ADAMTS8: variants seen among roughly 807,000 people sequenced by gnomAD.
ADAMTS8 encodes the protein ADAM metallopeptidase with thrombospondin type 1 motif 8, also known as A disintegrin and metalloproteinase with thrombospondin motifs 8.
ADAMTS8 carries 50 observed loss-of-function variants against 64.4 expected under a neutral mutation model. The observed-to-expected ratio is 0.78, with a 90% CI of 0.62 to 0.98. The LOEUF (loss-of-function observed/expected upper bound fraction) is 0.98, where lower values mean the gene tolerates loss of function less well. ADAMTS8 is among the 50% of genes least tolerant of loss of function. The pLI, the probability that ADAMTS8 is intolerant of heterozygous loss-of-function variation, is 0.00. For synonymous variants in ADAMTS8, 556 were observed against 533.6 expected, an observed-to-expected ratio of 1.04 and a Z score of -0.58; for missense variants, 1,192 against 1,208.2, an observed-to-expected ratio of 0.99 and a Z score of 0.20.
At chr11:130,425,752 C>G (rs768090904) in intron 1 of ADAMTS8, among the ~76,000 whole-genome samples, 20 of 152,232 alleles carry the variant, frequency 1.3e-4, no homozygotes, top group Admixed American at 3.9e-4. Flanking sequence ...AGGCGCCCAC[C>G]ACCACGCCTG....
At chr11:130,414,382 T>G (rs1861991637) in intron 5 of ADAMTS8, 149 bp downstream of exon 5, 1 of 979,958 alleles carries the variant, frequency 1.0e-6, no homozygotes, top group East Asian at 2.7e-5. Context: ...CCCAAAGTGC[T>G]GGGATTCCAG....
intron 6 of ADAMTS8, among the ~76,000 whole-genome samples, chr11:130,409,896 AG>A (rs1421689541): frequency 6.6e-6 from 1 of 152,268 alleles, no homozygotes; most frequent in Non-Finnish European, 1.5e-5. Flanking sequence ...ACTCTGAGTC[AG>A]TGCAGCTGAG....
At position 130,409,358 on chromosome 11, in the gene ADAMTS8, T is replaced by C. The variant is rs200355860; in HGVS notation, c.1751-418A>G. Among the ~76,000 whole-genome samples the C allele has an allele frequency of 4.6e-5, 7 of 152,252 alleles. No individual in the cohort carries two copies. In the East Asian group the frequency reaches 1.4e-3, roughly 29 times the overall value. The stretch of plus-strand genomic sequence containing the variant: ...GGACATGAATCCAAAGACTCCTAAA[T>C]CTACATGTCTAGCTCTGATCTTGCC... On this transcript the variant is annotated intron_variant, in intron 6 of 8. Coordinates refer to ENST00000257359, the MANE Select transcript of ADAMTS8 (RefSeq NM_007037.6).
chr11:130,408,444 G>A lies in ADAMTS8; in HGVS notation c.2099+20C>T, dbSNP rs1420085040. ...ATGCTCTTCTACCAAGCAAGGTACA[G>A]AACTTCTGGGGAGACTCACTTGGTG... On this transcript the variant is annotated intron_variant, in intron 8 of 8. Coordinates refer to ENST00000257359, the MANE Select transcript of ADAMTS8 (RefSeq NM_007037.6). The A allele has an allele frequency of 1.9e-6, 3 of 1,612,634 alleles. No homozygotes were observed. The African/African-American group carries it at 4.0e-5, about 22-fold the overall frequency.
At position 130,426,555 on chromosome 11, in the gene ADAMTS8, A is replaced by G. The variant is rs768379308; in HGVS notation, c.720+1012T>C. Among the ~76,000 whole-genome samples the G allele has an allele frequency of 1.9e-4, 29 of 152,156 alleles. 1 individual carries two copies. Among genetic ancestry groups the G allele is most frequent in the Non-Finnish European group, 1.5e-5 (1 of 68,016 alleles). On this transcript the variant is annotated intron_variant, in intron 1 of 8. Transcript: ENST00000257359. ...CTGGTTCTGTGCTCCCTAGGGGCAAAGAGCACCCCTCTTCTGGAAGCCTTA... is the reference window on the plus strand; with the variant it reads ...CTGGTTCTGTGCTCCCTAGGGGCAAGGAGCACCCCTCTTCTGGAAGCCTTA...
intron 6 of ADAMTS8, 106 bp from the exon 7 acceptor site, chr11:130,409,046 G>C (rs1861921518): frequency 7.4e-7 from 1 of 1,357,516 alleles, no homozygotes; most frequent in Non-Finnish European, 9.8e-7. Context: ...TTTTGGTTTT[G>C]AACTCAACCC....
chr11:130,417,429 G>A (rs570433159), intron 2 of ADAMTS8, among the ~76,000 whole-genome samples: 100 of 151,732 alleles, frequency 6.6e-4, no homozygotes, highest in South Asian at 3.8e-3. Flanking sequence ...GCTAATTTTT[G>A]TATTTTTAGT....
intron 1 of ADAMTS8, among the ~76,000 whole-genome samples, chr11:130,419,810 G>C (rs1016198104): frequency 6.6e-6 from 1 of 152,102 alleles, no homozygotes; most frequent in Non-Finnish European, 1.5e-5. Flanking sequence ...AGTTCTGAGC[G>C]CTCAAGGTTA....
At position 130,427,728 on chromosome 11, in the gene ADAMTS8, C is replaced by A. The variant is rs1473199674; in HGVS notation, c.559G>T (p.Glu187Ter). ...GCCTCCTCTTCTTGGCTCTCCTCCT[C>A]GCTGTCCTCCTGGTGGTCTCCTCTC... ...QERGDHQEDS[E>*]EESQEEEAEG... The change falls in exon 1 of 9, where the codon GAG becomes TAG. Residue 187 changes from glutamate (E) to a stop codon, truncating the protein, a stop_gained. Transcript: ENST00000257359. LOFTEE classifies it high-confidence loss of function. 1 of 1,595,596 alleles carries A rather than the reference C, an allele frequency of 6.3e-7. No homozygotes were observed. The highest frequency in any genetic ancestry group is 1.7e-5 in the Admixed American group (1 of 58,230).
rs1861996742 is a variant in ADAMTS8, at chr11:130,414,660, AG to A, written c.1436del (p.Thr479MetfsTer164). Reference protein sequence around the residue: ...QDVCAQLWCHTDGAEPLCHTK... With the variant: ...QDVCAQLWCHXDGAEPLCHTK... ...TGTGGCACAGGGGCTCAGCCCCATCAGTGTGGCACCAAAGCTGGGCGCAGAC... is the reference window on the plus strand; with the variant it reads ...TGTGGCACAGGGGCTCAGCCCCATCATGTGGCACCAAAGCTGGGCGCAGAC... On this transcript the variant is annotated frameshift_variant, in exon 5 of 9. Transcript: ENST00000257359. LOFTEE classifies it high-confidence loss of function. The A allele has an allele frequency of 6.2e-7, 1 of 1,613,648 alleles. No homozygotes were observed. Among genetic ancestry groups the A allele is most frequent in the African/African-American group, 1.3e-5 (1 of 74,926 alleles).
Position 130,416,907 on chromosome 11 carries a change from T to A in ADAMTS8, c.1096+33A>T. 2 of 1,613,788 alleles carry A rather than the reference T, an allele frequency of 1.2e-6. No individual in the cohort carries two copies. The highest frequency in any genetic ancestry group is 1.7e-6 in the Non-Finnish European group (2 of 1,179,806). ...TCTGGAAGAGCAGTTCCCTCCGATGTGGTGAAGTGGGCTTTGGCACAGCAA... is the reference window on the plus strand; with the variant it reads ...TCTGGAAGAGCAGTTCCCTCCGATGAGGTGAAGTGGGCTTTGGCACAGCAA... On this transcript the variant is annotated intron_variant, in intron 3 of 8. Coordinates refer to ENST00000257359, the MANE Select transcript of ADAMTS8 (RefSeq NM_007037.6). This position sits in a 1 kb window ranked among gnomAD's most constrained non-coding sequence, Gnocchi z 4.8.
chr11:130,419,032 C>T (rs536488620), intron 2 of ADAMTS8, 21 bp downstream of exon 2: 31 of 1,613,602 alleles, frequency 1.9e-5, no homozygotes, highest in Non-Finnish European at 2.1e-5. Flanking sequence ...CTCCCCAGGG[C>T]TTCCGGAGCC....
rs145764969 is a variant in ADAMTS8, at chr11:130,411,238, C to A, written c.1750+179G>T. ...CCCTGGGATTGGAACCTTGCAGAGC[C>A]CATTTAGGTGGAGATCACAGGCAAA... On this transcript the variant is annotated intron_variant, in intron 6 of 8. Coordinates refer to ENST00000257359, the MANE Select transcript of ADAMTS8 (RefSeq NM_007037.6). This position sits in a 1 kb window ranked among gnomAD's most constrained non-coding sequence, Gnocchi z 4.2. Among the ~76,000 whole-genome samples the A allele has an allele frequency of 8.1e-4, 124 of 152,174 alleles. No individual in the cohort carries two copies. The highest frequency in any genetic ancestry group is 2.9e-3 in the African/African-American group (119 of 41,488).
Position 130,427,958 on chromosome 11 carries a change from G to A in ADAMTS8, c.329C>T (p.Pro110Leu), listed in dbSNP as rs1461943662. The A allele has an allele frequency of 6.5e-7, 1 of 1,531,952 alleles. No homozygotes were observed. Among genetic ancestry groups the A allele is most frequent in the Non-Finnish European group, 8.7e-7 (1 of 1,145,654 alleles). The allele number at this position is 1,531,952 out of a possible 1,614,324, so 94.9% of individuals were successfully genotyped here. Reference protein sequence around the residue: ...CFFSGTVNGEPESLAAVSLCR... With the variant: ...CFFSGTVNGELESLAAVSLCR... ...CAGGCTGACCGCCGCCAGCGACTCG[G>A]GCTCCCCATTCACGGTGCCGGAGAA... Residue 110 changes from proline (P) to leucine (L), a missense_variant, in exon 1 of 9, where the codon CCC becomes CTC. Pro to Leu is a moderately conservative substitution (Grantham distance 98, BLOSUM62 -3). Around this residue, in one of 5 missense-constraint regions of ADAMTS8, gnomAD observed 741 missense variants for 710.6 expected, o/e 1.04. Transcript: ENST00000257359.
Position 130,427,899 on chromosome 11 carries a change from C to T in ADAMTS8, c.388G>A (p.Gly130Ser), listed in dbSNP as rs1324473723. 13 of 1,534,108 alleles carry T rather than the reference C, an allele frequency of 8.5e-6. No individual in the cohort carries two copies. The highest frequency in any genetic ancestry group is 1.4e-5 in the African/African-American group (1 of 72,934). Reference sequence around the variant, plus strand: ...TGCGGCTGGATGGTGAACTCCTCGCCGTCCAGCAGGAAGGAGCCGCTCAGC... The same window carrying T: ...TGCGGCTGGATGGTGAACTCCTCGCTGTCCAGCAGGAAGGAGCCGCTCAGC... ...RGLSGSFLLD[G>S]EEFTIQPQGA... Residue 130 changes from glycine to serine, a missense_variant, in exon 1 of 9, where the codon GGC becomes AGC. By Grantham distance (56) the Gly-to-Ser change is moderately conservative. Transcript: ENST00000257359.
Position 130,405,913 on chromosome 11 carries a change from G to A in ADAMTS8, c.2315C>T (p.Thr772Ile). ...CCGGAAGCTCTGCAGGCGCTCCAGG[G>A]TGGCGATGGAGCCGCTGTACTTCAG... ...TILKYSGSIA[T>I]LERLQSFRPL... Residue 772 changes from threonine to isoleucine, a missense_variant, in exon 9 of 9, where the codon ACC (threonine) becomes ATC (isoleucine). Around this residue, in one of 5 missense-constraint regions of ADAMTS8, gnomAD observed 147 missense variants for 154.1 expected, o/e 0.95. Transcript: ENST00000257359. The A allele has an allele frequency of 6.2e-7, 1 of 1,614,088 alleles. No individual in the cohort carries two copies.
chr11:130,405,667 C>G lies in ADAMTS8; in HGVS notation c.2561G>C (p.Arg854Thr). The G allele has an allele frequency of 6.2e-7, 1 of 1,614,092 alleles. No homozygotes were observed. Among genetic ancestry groups the G allele is most frequent in the Non-Finnish European group, 8.5e-7 (1 of 1,179,974 alleles). ...GGGGTCCCTGCACTCTACAGTTCGC[C>G]TCTGCCAGCCGGCCCCGCAGGTGCT... ...CSSTCGAGWQ[R>T]RTVECRDPSG... The change falls in exon 9 of 9, where the codon AGG becomes ACG. Residue 854 changes from arginine (R) to threonine (T), a missense_variant. This residue lies in a region of ADAMTS8 where 147 missense variants were observed against 154.1 expected (regional missense o/e 0.95). Transcript: ENST00000257359.
chr11:130,414,852 G>A lies in ADAMTS8; in HGVS notation c.1265-20C>T, dbSNP rs771001892. 1.3e-6 allele frequency: 2 copies of A among 1,588,548 alleles called. No individual in the cohort carries two copies. Among genetic ancestry groups the A allele is most frequent in the East Asian group, 4.5e-5 (2 of 44,432 alleles). On this transcript the variant is annotated intron_variant, in intron 4 of 8. Coordinates refer to ENST00000257359, the MANE Select transcript of ADAMTS8 (RefSeq NM_007037.6). ...AGTCTCCTGGGAAAAGAGGAAGCAG[G>A]GGTGTAAGAACATGCACAGGGCTGC...
chr11:130,427,451 C>CTT lies in ADAMTS8; in HGVS notation c.720+114_720+115dup, dbSNP rs36087476. On this transcript the variant is annotated intron_variant, in intron 1 of 8. Transcript: ENST00000257359. ...GGCTGGAGAAGATGAGTGGGGAGGG[C>CTT]TTTTTTTTTTTTTTTTTTTTTTTCT... is the stretch of plus-strand genomic sequence containing the variant. 3.9e-3 allele frequency: 1,714 copies of CTT among 437,614 alleles called. 37 individuals carry two copies. Among genetic ancestry groups the CTT allele is most frequent in the South Asian group, 0.015 (454 of 30,892 alleles). 27.1% of individuals were successfully genotyped at this position (437,614 alleles called of 1,614,324 possible).
Sources: gnomAD v4.1 joint callset for allele counts (sites outside exome capture counted in the v4.1 genomes callset) on GRCh38, gnomAD v4.1.1 for gene constraint, gnomAD v4.1.1 regional missense constraint, Gnocchi (gnomAD v3.1) non-coding constraint, MANE v1.5 for transcripts, NCBI Gene and HGNC (gene_info 2026-07-23, HGNC 2026-07-21) for gene names.